The following CCT2 variants were observed in gnomAD, a reference collection of about 807,000 sequenced individuals.
CCT2 encodes the protein chaperonin containing TCP1 subunit 2.
CCT2 carries 18 observed loss-of-function variants against 61.8 expected under a neutral mutation model. The observed-to-expected ratio is 0.29, with a 90% CI of 0.20 to 0.43. The LOEUF is 0.43. Ranked by LOEUF, CCT2 falls within the 20% of genes least tolerant of loss-of-function variation. CCT2 has a pLI of 1.00. For synonymous variants in CCT2, 248 were observed against 215.9 expected, an observed-to-expected ratio of 1.15 and a Z score of -1.30; for missense variants, 556 against 656.9, an observed-to-expected ratio of 0.85 and a Z score of 1.68.
intron 10 of CCT2, among the ~76,000 whole-genome samples, chr12:69,596,494 G>A (rs1377120581): frequency 1.3e-5 from 2 of 152,156 alleles, no homozygotes; most frequent in Non-Finnish European, 1.5e-5. Context: ...GGAAGATGGA[G>A]GGAAAATAGG....
chr12:69,597,382 T>C (rs776091420), intron 11 of CCT2, 107 bp downstream of exon 11: 47 of 1,340,130 alleles, frequency 3.5e-5, no homozygotes, highest in Non-Finnish European at 4.5e-5. Context: ...AAGTCTTAAC[T>C]CTTCAGAAGC....
intron 10 of CCT2, among the ~76,000 whole-genome samples, chr12:69,596,662 G>A (rs529636464): frequency 6.6e-6 from 1 of 152,336 alleles, no homozygotes; most frequent in South Asian, 2.1e-4. Context: ...GAAGTGTATA[G>A]TGGTTGACTT....
chr12:69,596,281 T>C (rs1443157859), intron 10 of CCT2, among the ~76,000 whole-genome samples: 1 of 152,228 alleles, frequency 6.6e-6, no homozygotes, highest in Non-Finnish European at 1.5e-5. Flanking sequence ...CCAGAGTCTT[T>C]ATGAATTTAT....
At chr12:69,597,469 G>GC (rs1403095701) in intron 11 of CCT2, among the ~76,000 whole-genome samples, 169 bp from the exon 12 acceptor site, 1 of 152,100 alleles carries the variant, frequency 6.6e-6, no homozygotes, top group Non-Finnish European at 1.5e-5. Context: ...ATGTTCAACA[G>GC]TTTTTTTTCC....
At position 69,601,312 on chromosome 12, in the gene CCT2, A is replaced by T; in HGVS notation, c.1595A>T (p.His532Leu). Reference protein sequence around the residue: ...KAAPRKRVPDHHPC With the variant: ...KAAPRKRVPDLHPC ...TCTCATAGGAAACGTGTCCCTGATC[A>T]CCACCCCTGTTAAGCATTCCCACGT... The change falls in exon 16 of 16, where the codon CAC becomes CTC. Residue 532 changes from histidine to leucine, a missense_variant. Physicochemically the swap from His to Leu is moderately conservative, Grantham distance 99. Coordinates refer to ENST00000299300, the MANE Select transcript of CCT2 (RefSeq NM_006431.3). 1 of 1,605,314 alleles carries T rather than the reference A, an allele frequency of 6.2e-7. No individual in the cohort carries two copies. The highest frequency in any genetic ancestry group is 8.5e-7 in the Non-Finnish European group (1 of 1,177,838).
chr12:69,599,890 T>C lies in CCT2; in HGVS notation c.1463T>C (p.Met488Thr), dbSNP rs774243986. 56 of 1,613,512 alleles carry C rather than the reference T, an allele frequency of 3.5e-5. No individual in the cohort carries two copies. The highest frequency in any genetic ancestry group is 1.0e-4 in the Admixed American group (6 of 59,974). Residue 488 changes from methionine to threonine, a missense_variant, in exon 15 of 16, where the codon ATG becomes ACG. Physicochemically the swap from Met to Thr is moderately conservative, Grantham distance 81. Around this residue, in one of 3 missense-constraint regions of CCT2, gnomAD observed 225 missense variants for 249.8 expected, o/e 0.90. Transcript: ENST00000299300. ...ATGAGGGAAGGCACCATTGGAGATA[T>C]GGCTATCCTGGGTATAACAGAAAGT... ...LDMREGTIGD[M>T]AILGITESFQ...
At chr12:69,587,764 G>A in intron 4 of CCT2, 148 bp downstream of exon 4, 2 of 737,268 alleles carry the variant, frequency 2.7e-6, no homozygotes, top group Admixed American at 4.7e-5. Flanking sequence ...ACAAGCTTCA[G>A]GAGTGCCCGT....
chr12:69,593,266 CA>C (rs1461225889), intron 9 of CCT2, among the ~76,000 whole-genome samples, 163 bp downstream of exon 9: 1 of 152,144 alleles, frequency 6.6e-6, no homozygotes, highest in Non-Finnish European at 1.5e-5. Flanking sequence ...TGCACACTTA[CA>C]GTGACCAGAA....
chr12:69,599,549 G>T (rs1424984186), intron 14 of CCT2, among the ~76,000 whole-genome samples: 1 of 151,772 alleles, frequency 6.6e-6, no homozygotes, highest in Admixed American at 6.6e-5. Context: ...CACCATGCCC[G>T]GCTAATTTTT....
intron 4 of CCT2, 107 bp from the exon 5 acceptor site, chr12:69,587,819 ATAAT>A: frequency 1.1e-6 from 1 of 921,656 alleles, no homozygotes; most frequent in Non-Finnish European, 1.7e-6. Context: ...AGAGTTCCAA[ATAAT>A]TTGTTGAATG....
intron 3 of CCT2, chr12:69,587,066 G>T (rs1196908078): frequency 1.8e-5 from 7 of 399,584 alleles, no homozygotes; most frequent in Non-Finnish European, 2.6e-5. Flanking sequence ...AGAAGTATGT[G>T]TACTTCATTA....
intron 7 of CCT2, 91 bp from the exon 8 acceptor site, chr12:69,591,968 C>G (rs1206122836): frequency 4.3e-6 from 3 of 697,096 alleles, no homozygotes; most frequent in Non-Finnish European, 7.2e-6. Context: ...TTCTTTGAAA[C>G]AGTGATATGA....
chr12:69,598,868 C>A (rs1237472046), intron 14 of CCT2, among the ~76,000 whole-genome samples: 1 of 149,950 alleles, frequency 6.7e-6, no homozygotes, highest in Non-Finnish European at 1.5e-5. Context: ...AACTTTCTGA[C>A]AAGCTGTGCT....
chr12:69,590,820 G>C (rs897113526), intron 7 of CCT2, among the ~76,000 whole-genome samples: 1 of 151,828 alleles, frequency 6.6e-6, no homozygotes, highest in South Asian at 2.1e-4. Flanking sequence ...GAGTTAAGGC[G>C]ATTCTCCTGC....
In CCT2 at chr12:69,599,974, G is replaced by A. The variant is rs762366874; in HGVS notation, c.1547G>A (p.Arg516His). ...SAAEAAEVIL[R>H]VDNIIKAAPR... ...GCTGAAGCAGCAGAGGTGATTCTGC[G>A]TGTGGACAACATCATCAAAGCGGCA... is the stretch of plus-strand genomic sequence containing the variant. Residue 516 changes from arginine (R) to histidine (H), a missense_variant, in exon 15 of 16, where the codon CGT (arginine) becomes CAT (histidine). Physicochemically the swap from Arg to His is conservative, Grantham distance 29. Coordinates refer to ENST00000299300, the MANE Select transcript of CCT2 (RefSeq NM_006431.3). 4 of 1,613,216 alleles carry A rather than the reference G, an allele frequency of 2.5e-6. No individual in the cohort carries two copies. The highest frequency in any genetic ancestry group is 2.2e-5 in the East Asian group (1 of 44,872).
At position 69,585,764 on chromosome 12, in the gene CCT2, C is replaced by T. The variant is rs576546053; in HGVS notation, c.3+240C>T. On this transcript the variant is annotated intron_variant, in intron 1 of 15. Transcript: ENST00000299300. ...CCTTGTGCCTAGGTCTTTGCATAGT[C>T]CCGGCAGCCCAGGTCCGCGCCTCAC... 13 of 1,414,940 alleles carry T rather than the reference C, an allele frequency of 9.2e-6. No individual in the cohort carries two copies. In the South Asian group the frequency reaches 1.2e-4, roughly 13 times the overall value. 87.6% of individuals were successfully genotyped at this position (1,414,940 alleles called of 1,614,324 possible). A position where few individuals can be genotyped will look rare whatever the true frequency, so the allele number is the denominator to read the frequency against.
At chr12:69,585,716 G>C in intron 1 of CCT2, 192 bp downstream of exon 1, 1 of 1,468,986 alleles carries the variant, frequency 6.8e-7, no homozygotes, top group South Asian at 1.3e-5. Context: ...GAGGGGGAGG[G>C]GTGGACCGCA....
rs780738501 is a variant in CCT2 at position 69,599,815 on chromosome 12, G to C, written c.1436-48G>C. ...TATTATAAATCATTAGAGATGTTTT[G>C]ATACTTTAGTTAAAACTGCTTTTTA... On this transcript the variant is annotated intron_variant, in intron 14 of 15. Coordinates refer to ENST00000299300, the MANE Select transcript of CCT2 (RefSeq NM_006431.3). The C allele has an allele frequency of 6.1e-6, 9 of 1,486,666 alleles. No individual in the cohort carries two copies. The African/African-American group carries it at 8.4e-5, about 14-fold the overall frequency. The allele number at this position is 1,486,666 out of a possible 1,614,324, so 92.1% of individuals were successfully genotyped here. A position where few individuals can be genotyped will look rare whatever the true frequency, so the allele number is the denominator to read the frequency against.
intron 7 of CCT2, among the ~76,000 whole-genome samples, chr12:69,591,429 A>G (rs907692677): frequency 2.6e-5 from 4 of 152,140 alleles, no homozygotes; most frequent in Non-Finnish European, 5.9e-5. Context: ...TCAGGGTCAG[A>G]TTTATCTGAC....
Sources: gnomAD v4.1 joint callset for allele counts (sites outside exome capture counted in the v4.1 genomes callset) on GRCh38, gnomAD v4.1.1 for gene constraint, gnomAD v4.1.1 regional missense constraint, MANE v1.5 for transcripts, NCBI Gene and HGNC (gene_info 2026-07-23, HGNC 2026-07-21) for gene names.